Variants in HSD17B2 observed in about 807,000 individuals in gnomAD.
HSD17B2 encodes the protein 17-beta-hydroxysteroid dehydrogenase type 2.
Under a neutral mutation model 26.9 loss-of-function variants are expected in HSD17B2, and 32 were observed. That is an observed-to-expected ratio of 1.19 (90% CI 0.90 to 1.60). HSD17B2 has a LOEUF of 1.60. Ranked by LOEUF, HSD17B2 falls within the 40% of genes most tolerant of loss-of-function variation. The pLI is 0.00. For synonymous variants in HSD17B2, 246 were observed against 186.7 expected (o/e 1.32, Z -2.59); for missense variants, 613 against 468.6 (o/e 1.31, Z -2.85).
At chr16:82,060,986 C>A (rs1009151130) in intron 1 of HSD17B2, among the ~76,000 whole-genome samples, 2 of 152,084 alleles carry the variant, frequency 1.3e-5, no homozygotes, top group Admixed American at 1.3e-4. Flanking sequence ...ATGGGCCAGG[C>A]GTGGCGACTC....
intron 3 of HSD17B2, among the ~76,000 whole-genome samples, chr16:82,083,642 C>G (rs1366277844): frequency 6.6e-6 from 1 of 152,178 alleles, no homozygotes; most frequent in Non-Finnish European, 1.5e-5. Flanking sequence ...CAGCAGCTGA[C>G]AGTCTGTATG....
chr16:82,049,170 T>A (rs1263225552), intron 1 of HSD17B2, among the ~76,000 whole-genome samples: 2 of 152,218 alleles, frequency 1.3e-5, no homozygotes, highest in Non-Finnish European at 2.9e-5. Context: ...GGGAGCAATT[T>A]GGTTACCTAG....
intron 3 of HSD17B2, chr16:82,071,433 A>G (rs927715585): frequency 6.9e-6 from 3 of 434,172 alleles, no homozygotes; most frequent in African/African-American, 6.0e-5. Flanking sequence ...GAAATCTCAC[A>G]TTACAAATAA....
chr16:82,057,917 G>C (rs779573247), intron 1 of HSD17B2, among the ~76,000 whole-genome samples: 1 of 152,126 alleles, frequency 6.6e-6, no homozygotes, highest in Non-Finnish European at 1.5e-5. Flanking sequence ...ACAATGTCCT[G>C]AACAGGATCC....
intron 3 of HSD17B2, among the ~76,000 whole-genome samples, chr16:82,077,104 T>C (rs1392066115): frequency 6.6e-6 from 1 of 152,178 alleles, no homozygotes; most frequent in African/African-American, 2.4e-5. Flanking sequence ...AGGAAATCTA[T>C]AGATTCAATG....
In HSD17B2 at chr16:82,035,435, T is replaced by C. The variant is rs756353964; in HGVS notation, c.11T>C (p.Phe4Ser). ...AGCAAGTCACTGAGAATGAGCACTT[T>C]CTTCTCGGACACAGCATGGATCTGC... MST[F>S]FSDTAWICLA... Residue 4 changes from phenylalanine to serine, a missense_variant, in exon 1 of 5, where the codon TTC (phenylalanine) becomes TCC (serine). By Grantham distance (155) the Phe-to-Ser change is radical. Transcript: ENST00000199936. The C allele has an allele frequency of 3.1e-6, 5 of 1,610,736 alleles. No homozygotes were observed. The South Asian group carries it at 3.3e-5, about 11-fold the overall frequency.
chr16:82,082,427 CA>C (rs1904408938), intron 3 of HSD17B2, among the ~76,000 whole-genome samples: 1 of 152,080 alleles, frequency 6.6e-6, no homozygotes, highest in Non-Finnish European at 1.5e-5. Context: ...TGAATATAAC[CA>C]CATTTTAAAA....
chr16:82,071,181 C>T, intron 3 of HSD17B2, 54 bp downstream of exon 3: 2 of 1,553,422 alleles, frequency 1.3e-6, no homozygotes, highest in Non-Finnish European at 1.8e-6. Flanking sequence ...AGACATGGCT[C>T]ATGGCATTCT....
chr16:82,049,404 C>T (rs900101420), intron 1 of HSD17B2, among the ~76,000 whole-genome samples: 1 of 152,188 alleles, frequency 6.6e-6, no homozygotes, highest in African/African-American at 2.4e-5. Flanking sequence ...CATTCATGTG[C>T]ATCATGGTTT....
Position 82,035,349 on chromosome 16 carries a change from C to A in HSD17B2, c.-76C>A. Reference sequence around the variant, plus strand: ...TTCTTGACTCTCTGTTCACAGAACTCAGGCTGCCTCCAGCCAGCCTTTGCC... The same window carrying A: ...TTCTTGACTCTCTGTTCACAGAACTAAGGCTGCCTCCAGCCAGCCTTTGCC... On this transcript the variant is annotated 5_prime_UTR_variant, in exon 1 of 5. Coordinates refer to ENST00000199936, the MANE Select transcript of HSD17B2 (RefSeq NM_002153.3). The A allele has an allele frequency of 1.4e-6, 2 of 1,430,482 alleles. No homozygotes were observed. The highest frequency in any genetic ancestry group is 1.3e-5 in the South Asian group (1 of 77,874). 88.6% of individuals were successfully genotyped at this position (1,430,482 alleles called of 1,614,324 possible).
chr16:82,089,337 G>A (rs745975712), intron 3 of HSD17B2, among the ~76,000 whole-genome samples: 1 of 152,148 alleles, frequency 6.6e-6, no homozygotes, highest in Middle Eastern at 3.4e-3. Flanking sequence ...CCATCATATG[G>A]CTGGACTACA....
intron 4 of HSD17B2, chr16:82,095,015 G>C (rs1368974348): frequency 6.6e-6 from 1 of 152,262 alleles, no homozygotes; most frequent in African/African-American, 2.4e-5. Context: ...GGGATGGGTA[G>C]GGAGAGTCTG....
At chr16:82,089,765 T>G (rs1904629965) in intron 3 of HSD17B2, among the ~76,000 whole-genome samples, 1 of 152,154 alleles carries the variant, frequency 6.6e-6, no homozygotes, top group African/African-American at 2.4e-5. Context: ...CATCTTCATG[T>G]GGCCTTCTCC....
chr16:82,051,322 A>G (rs1356065119), intron 1 of HSD17B2, among the ~76,000 whole-genome samples: 3 of 152,262 alleles, frequency 2.0e-5, no homozygotes, highest in African/African-American at 4.8e-5. Flanking sequence ...AAAGACTGCT[A>G]GGCAGGCAAG....
At chr16:82,080,249 T>G (rs1904343381) in intron 3 of HSD17B2, among the ~76,000 whole-genome samples, 1 of 152,202 alleles carries the variant, frequency 6.6e-6, no homozygotes, top group South Asian at 2.1e-4. Context: ...TCCCATTGTC[T>G]GCAACCTGTG....
intron 3 of HSD17B2, chr16:82,090,098 A>T: frequency 3.2e-6 from 1 of 316,330 alleles, no homozygotes; most frequent in Non-Finnish European, 4.6e-6. Context: ...GAGATGCCCC[A>T]CCATTTCCCA....
chr16:82,035,265 T>C lies in HSD17B2; in HGVS notation c.-160T>C, dbSNP rs1045792829. The stretch of plus-strand genomic sequence containing the variant: ...ACTGGTTTAAATTACCCACTGGGAA[T>C]ATGATTATGCTTAATCTATGCTCAG... On this transcript the variant is annotated 5_prime_UTR_variant, in exon 1 of 5. Coordinates refer to ENST00000199936, the MANE Select transcript of HSD17B2 (RefSeq NM_002153.3). The C allele has an allele frequency of 3.2e-6, 2 of 630,236 alleles. No homozygotes were observed. Among genetic ancestry groups the C allele is most frequent in the Non-Finnish European group, 5.5e-6 (2 of 365,954 alleles). 39.0% of individuals were successfully genotyped at this position (630,236 alleles called of 1,614,324 possible). A position where few individuals can be genotyped will look rare whatever the true frequency, so the allele number is the denominator to read the frequency against.
chr16:82,071,551 A>G (rs1914699071), intron 3 of HSD17B2: 1 of 301,760 alleles, frequency 3.3e-6, no homozygotes, highest in Non-Finnish European at 6.4e-6. Context: ...TGTGCCATCA[A>G]ACAAAAGCTG....
chr16:82,080,431 G>C (rs185707724), intron 3 of HSD17B2, among the ~76,000 whole-genome samples: 10 of 152,272 alleles, frequency 6.6e-5, no homozygotes, highest in Middle Eastern at 3.4e-3. Flanking sequence ...ATGGTACCTA[G>C]GTGGCTTTGA....
Sources: allele counts gnomAD v4.1 joint callset (sites outside exome capture counted in the v4.1 genomes callset), GRCh38; gene constraint gnomAD v4.1.1; transcripts MANE v1.5; gene names NCBI Gene and HGNC (gene_info 2026-07-23, HGNC 2026-07-21).